EFNB2: variants seen among roughly 807,000 people sequenced by gnomAD.
The protein encoded by EFNB2 is ephrin B2.
A neutral mutation model predicts 32.1 loss-of-function variants in EFNB2; 5 were observed. The observed-to-expected ratio is 0.16, with a 90% CI of 0.08 to 0.33. The LOEUF is 0.33. Among genes scored for constraint, EFNB2 ranks in the 10% least tolerant of loss-of-function variants. The pLI, the probability that EFNB2 is intolerant of heterozygous loss-of-function variation, is 1.00. For synonymous variants in EFNB2, 168 were observed against 166.5 expected, an observed-to-expected ratio of 1.01 and a Z score of -0.07; for missense variants, 263 against 422.6, an observed-to-expected ratio of 0.62 and a Z score of 3.31.
intron 2 of EFNB2, among the ~76,000 whole-genome samples, chr13:106,507,230 A>C (rs1459649959): frequency 1.3e-5 from 2 of 152,216 alleles, no homozygotes; most frequent in African/African-American, 4.8e-5. Context: ...TGCTACATTT[A>C]TCGTACATAA....
chr13:106,528,624 A>G (rs1879777032), intron 1 of EFNB2, among the ~76,000 whole-genome samples: 1 of 152,252 alleles, frequency 6.6e-6, no homozygotes, highest in African/African-American at 2.4e-5. Context: ...AAGTGTGGAG[A>G]CTTTCCTGTA....
chr13:106,506,934 A>G (rs145560905), intron 2 of EFNB2, among the ~76,000 whole-genome samples: 58 of 152,242 alleles, frequency 3.8e-4, no homozygotes, highest in Non-Finnish European at 7.8e-4. Flanking sequence ...CCAGACTCTC[A>G]ACCTAAGATG....
intron 1 of EFNB2, among the ~76,000 whole-genome samples, chr13:106,531,191 T>G (rs1337685519): frequency 6.6e-6 from 1 of 152,226 alleles, no homozygotes; most frequent in African/African-American, 2.4e-5. Context: ...GGCTTGAAGC[T>G]GTAACTGTTG....
At chr13:106,510,524 T>C (rs1879107611) in intron 2 of EFNB2, among the ~76,000 whole-genome samples, 1 of 152,238 alleles carries the variant, frequency 6.6e-6, no homozygotes, top group South Asian at 2.1e-4. Context: ...GTGGGCTGCA[T>C]CCACGCATTA....
At chr13:106,531,354 T>C (rs916628781) in intron 1 of EFNB2, among the ~76,000 whole-genome samples, 5 of 152,260 alleles carry the variant, frequency 3.3e-5, no homozygotes, top group African/African-American at 1.2e-4. Flanking sequence ...GTCCATTACC[T>C]ACAGTTTATC....
chr13:106,503,293 C>T (rs751661166), intron 2 of EFNB2, among the ~76,000 whole-genome samples: 2 of 152,082 alleles, frequency 1.3e-5, no homozygotes, highest in Admixed American at 6.6e-5. Context: ...AAAAGCTTTT[C>T]TTCTAGTATA....
intron 2 of EFNB2, among the ~76,000 whole-genome samples, chr13:106,501,488 C>T (rs1043756977): frequency 6.6e-6 from 1 of 152,130 alleles, no homozygotes. Context: ...TCACATAGCA[C>T]TTCATCCTAT....
chr13:106,532,822 TGG>T (rs142677050), intron 1 of EFNB2, among the ~76,000 whole-genome samples: 1 of 139,104 alleles, frequency 7.2e-6, no homozygotes, highest in Non-Finnish European at 1.6e-5. Context: ...ATCATCAGAA[TGG>T]GGGGGGGGAG....
At chr13:106,524,576 C>T (rs187412950) in intron 1 of EFNB2, among the ~76,000 whole-genome samples, 91 of 152,312 alleles carry the variant, frequency 6.0e-4, no homozygotes, top group Admixed American at 2.6e-3. Context: ...ACACAAAATG[C>T]TGTTAATAAA....
chr13:106,515,169 C>T (rs927220985), intron 1 of EFNB2, among the ~76,000 whole-genome samples: 1 of 152,108 alleles, frequency 6.6e-6, no homozygotes, highest in African/African-American at 2.4e-5. Flanking sequence ...GCGGTGAGGT[C>T]GAGAACATGG....
Position 106,518,555 on chromosome 13 carries a change from T to C in EFNB2, c.123-5743A>G, listed in dbSNP as rs1879392593. On this transcript the variant is annotated intron_variant, in intron 1 of 4. Transcript: ENST00000646441. The surrounding 1 kb of genome is among the most constrained non-coding windows in gnomAD (Gnocchi z 4.1). The stretch of plus-strand genomic sequence containing the variant: ...CATTCACAGACCAGACCATGGCACG[T>C]TGGGATGTCAAGTCTGGACTTTTCT... 6.6e-6 allele frequency: 1 copy of C among 152,102 alleles called. No individual in the cohort carries two copies. The highest frequency in any genetic ancestry group is 2.4e-5 in the African/African-American group (1 of 41,392). 9.4% of individuals were successfully genotyped at this position (152,102 alleles called of 1,614,324 possible). A position where few individuals can be genotyped will look rare whatever the true frequency, so the allele number is the denominator to read the frequency against.
chr13:106,500,577 G>A (rs79337401), intron 2 of EFNB2, among the ~76,000 whole-genome samples: 21 of 152,142 alleles, frequency 1.4e-4, no homozygotes, highest in Admixed American at 5.9e-4. Flanking sequence ...AGCATCCAGG[G>A]TCATGAAAAC....
chr13:106,493,204 T>C lies in EFNB2; in HGVS notation c.838A>G (p.Asn280Asp). The change falls in exon 5 of 5, where the codon AAC (asparagine) becomes GAC (aspartate). Residue 280 changes from asparagine (N) to aspartate (D), a missense_variant. Transcript: ENST00000646441. This position sits in a 1 kb window ranked among gnomAD's most constrained non-coding sequence, Gnocchi z 6.1. The stretch of plus-strand genomic sequence containing the variant: ...TCACTGGGCTCTGAGCCGTTGTTGT[T>C]GCCGCTGCGCTTGGGTGTGGCCAGT... ...STLATPKRSGNNNGSEPSDII... is the reference protein window; with the variant it reads ...STLATPKRSGDNNGSEPSDII... 1.2e-6 allele frequency: 2 copies of C among 1,614,204 alleles called. No homozygotes were observed. The highest frequency in any genetic ancestry group is 1.7e-6 in the Non-Finnish European group (2 of 1,180,032).
At chr13:106,526,571 T>G (rs1879707961) in intron 1 of EFNB2, among the ~76,000 whole-genome samples, 1 of 144,262 alleles carries the variant, frequency 6.9e-6, no homozygotes, top group African/African-American at 2.5e-5. Flanking sequence ...TAATGATCCA[T>G]TTTCCCATAG....
In EFNB2 at chr13:106,535,660, A is replaced by G. The variant is rs927683517; in HGVS notation, c.-696T>C. On this transcript the variant is annotated 5_prime_UTR_variant, in exon 1 of 5. Transcript: ENST00000646441. ...GCCGCGGTCCCCGCCGAGGAGAGTC[A>G]GCGCGGCCGCCGCGCTGTCAGAGCG... The G allele has an allele frequency of 1.3e-5, 2 of 150,392 alleles. No homozygotes were observed. Among genetic ancestry groups the G allele is most frequent in the African/African-American group, 4.9e-5 (2 of 41,066 alleles). The allele number at this position is 150,392 out of a possible 1,614,324, so 9.3% of individuals were successfully genotyped here. A position where few individuals can be genotyped will look rare whatever the true frequency, so the allele number is the denominator to read the frequency against.
chr13:106,514,697 G>C (rs1309307264), intron 1 of EFNB2, among the ~76,000 whole-genome samples: 2 of 151,992 alleles, frequency 1.3e-5, no homozygotes, highest in African/African-American at 4.8e-5. Context: ...TCCTGCCTAG[G>C]GTTTCTCATA....
intron 2 of EFNB2, among the ~76,000 whole-genome samples, chr13:106,497,167 G>T (rs1363534810): frequency 6.6e-6 from 1 of 151,964 alleles, no homozygotes; most frequent in African/African-American, 2.4e-5. Context: ...CAAAAATAAG[G>T]CACTTATTTA....
rs1049512577 is a variant in EFNB2, at chr13:106,493,683, C to T, written c.614-255G>A. ...ATTATCCAGCAAGAGCACAGACTGT[C>T]GGTGACAGCCAGCCCTTGATCTTGC... On this transcript the variant is annotated intron_variant, in intron 4 of 4. Coordinates refer to ENST00000646441, the MANE Select transcript of EFNB2 (RefSeq NM_004093.4). This position sits in a 1 kb window ranked among gnomAD's most constrained non-coding sequence, Gnocchi z 6.1. Among the ~76,000 whole-genome samples, 2 of 152,166 alleles carry T rather than the reference C, an allele frequency of 1.3e-5. No homozygotes were observed. Among genetic ancestry groups the T allele is most frequent in the African/African-American group, 2.4e-5 (1 of 41,444 alleles).
intron 2 of EFNB2, among the ~76,000 whole-genome samples, chr13:106,503,717 ACT>A (rs1020993127): frequency 2.0e-5 from 3 of 151,398 alleles, no homozygotes; most frequent in Non-Finnish European, 2.9e-5. Context: ...CTGCCACTGG[ACT>A]CTCTCTTTCC....
Sources: gnomAD v4.1 joint callset for allele counts (sites outside exome capture counted in the v4.1 genomes callset) on GRCh38, gnomAD v4.1.1 for gene constraint, Gnocchi (gnomAD v3.1) non-coding constraint, MANE v1.5 for transcripts, NCBI Gene and HGNC (gene_info 2026-07-23, HGNC 2026-07-21) for gene names.